HGS: variants seen among roughly 807,000 people sequenced by gnomAD.
HGS encodes the protein hepatocyte growth factor-regulated tyrosine kinase substrate.
HGS carries 63 observed loss-of-function variants against 109.7 expected under a neutral mutation model. The ratio of observed to expected loss-of-function variants is 0.57; its 90% confidence interval spans 0.47 to 0.71. The LOEUF is 0.71. HGS is among the 30% of genes least tolerant of loss of function. HGS has a pLI of 0.00. For synonymous variants in HGS, 546 were observed against 437.3 expected (o/e 1.25, Z -3.10); for missense variants, 995 against 1,068.3 (o/e 0.93, Z 0.96).
At position 81,701,668 on chromosome 17, in the gene HGS, ACGCCTCGTCT is replaced by A; in HGVS notation, c.*52_*61del. 1 of 1,511,628 alleles carries A rather than the reference ACGCCTCGTCT, an allele frequency of 6.6e-7. No individual in the cohort carries two copies. Among genetic ancestry groups the A allele is most frequent in the Non-Finnish European group, 8.9e-7 (1 of 1,127,052 alleles). The allele number at this position is 1,511,628 out of a possible 1,614,324, so 93.6% of individuals were successfully genotyped here. On this transcript the variant is annotated 3_prime_UTR_variant, in exon 22 of 22. Coordinates refer to ENST00000329138, the MANE Select transcript of HGS (RefSeq NM_004712.5). ...TAACACTACATACAGTTCACCTGAA[ACGCCTCGTCT>A]CTAACTGCCGTCGTCCTGCCTCCCT...
chr17:81,699,832 C>G (rs969430217), intron 18 of HGS, among the ~76,000 whole-genome samples: 1 of 144,700 alleles, frequency 6.9e-6, no homozygotes, highest in African/African-American at 2.5e-5. Flanking sequence ...CCCAGCACTT[C>G]GGGAGGCCGA....
chr17:81,686,871 C>T (rs1019559792), intron 3 of HGS, 132 bp from the exon 4 acceptor site: 13 of 689,278 alleles, frequency 1.9e-5, no homozygotes, highest in South Asian at 7.1e-5. Context: ...GCTGTCCCAC[C>T]GGGTTCCCCA....
At position 81,700,462 on chromosome 17, in the gene HGS, C is replaced by T; in HGVS notation, c.1883-5C>T. 6.4e-7 allele frequency: 1 copy of T among 1,553,740 alleles called. No homozygotes were observed. The highest frequency in any genetic ancestry group is 8.7e-7 in the Non-Finnish European group (1 of 1,147,420). ...GAACCATCTCCCCTGTCTTGTTTGT[C>T]ACAGATCCCAGCATGGTGAGTGCCT... On this transcript the variant is annotated splice_region_variant and splice_polypyrimidine_tract_variant and intron_variant, in intron 18 of 21. Transcript: ENST00000329138.
chr17:81,690,126 C>T (rs1051059667), intron 5 of HGS, 56 bp from the exon 6 acceptor site: 10 of 1,577,342 alleles, frequency 6.3e-6, no homozygotes, highest in South Asian at 1.1e-5. Context: ...AAGGGGCTCC[C>T]GGAAGTCTTG....
chr17:81,693,845 G>A, intron 10 of HGS, 25 bp from the exon 11 acceptor site: 1 of 1,586,498 alleles, frequency 6.3e-7, no homozygotes, highest in Non-Finnish European at 8.6e-7. Context: ...GCACCCAAGT[G>A]ACGCCCCTTC....
rs2037225642 is a variant in HGS at position 81,700,807 on chromosome 17, A to T, written c.2129A>T (p.Asn710Ile). The T allele has an allele frequency of 6.2e-7, 1 of 1,611,262 alleles. No homozygotes were observed. Among genetic ancestry groups the T allele is most frequent in the African/African-American group, 1.3e-5 (1 of 74,894 alleles). ...QSVSMGYQPY[N>I]MQNLMTTLPS... ...GTCTCCATGGGCTACCAGCCTTACA[A>T]CATGCAGGTACAGTGACCTCCAGGC... Residue 710 changes from asparagine to isoleucine, a missense_variant, in exon 20 of 22, where the codon AAC becomes ATC. Coordinates refer to ENST00000329138, the MANE Select transcript of HGS (RefSeq NM_004712.5).
chr17:81,687,250 G>A (rs1429697364), intron 4 of HGS, among the ~76,000 whole-genome samples, 155 bp downstream of exon 4: 3 of 152,230 alleles, frequency 2.0e-5, no homozygotes, highest in Admixed American at 6.5e-5. Context: ...TCGCACTCAT[G>A]AGTCGGAGAG....
chr17:81,690,148 G>A (rs1366197486), intron 5 of HGS, 34 bp from the exon 6 acceptor site: 2 of 1,604,734 alleles, frequency 1.2e-6, no homozygotes, highest in South Asian at 1.1e-5. Flanking sequence ...AGGCCAGGTG[G>A]GAGCAGGCAG....
intron 5 of HGS, among the ~76,000 whole-genome samples, chr17:81,689,153 G>T (rs1300848135): frequency 6.6e-6 from 1 of 152,232 alleles, no homozygotes; most frequent in African/African-American, 2.4e-5. Flanking sequence ...GCCTCTGAAG[G>T]AGCTGTCCCA....
rs758731513 is a variant in HGS, at chr17:81,696,974, C to T, written c.1858C>T (p.Pro620Ser). The T allele has an allele frequency of 3.1e-6, 5 of 1,596,728 alleles. No homozygotes were observed. Among genetic ancestry groups the T allele is most frequent in the East Asian group, 2.2e-5 (1 of 44,708 alleles). ...SQPAPAAGPY[P>S]SMPSTAADPS... ...GCCGGCCCCTGCCGCTGGCCCCTAC[C>T]CCAGCATGCCCAGCACTGCGGCTGG... The change falls in exon 18 of 22, where the codon CCC becomes TCC. Residue 620 changes from proline to serine, a missense_variant. Coordinates refer to ENST00000329138, the MANE Select transcript of HGS (RefSeq NM_004712.5).
chr17:81,686,225 C>G (rs1343950407), intron 2 of HGS, 87 bp from the exon 3 acceptor site: 1 of 1,112,870 alleles, frequency 9.0e-7, no homozygotes, highest in South Asian at 1.3e-5. Context: ...GCCACTGCAC[C>G]TGGCAGCAGA....
intron 6 of HGS, 119 bp downstream of exon 6, chr17:81,690,353 T>C (rs1465602429): frequency 9.6e-7 from 1 of 1,037,918 alleles, no homozygotes; most frequent in Non-Finnish European, 1.5e-6. Context: ...GTCTGGGACC[T>C]GAGGATGCCT....
intron 7 of HGS, 198 bp downstream of exon 7, chr17:81,690,940 C>T: frequency 1.8e-6 from 1 of 546,308 alleles, no homozygotes; most frequent in Non-Finnish European, 3.2e-6. Flanking sequence ...ACTGCCTGGG[C>T]CGGGCCCAGC....
At chr17:81,684,245 C>A in intron 1 of HGS, 142 bp downstream of exon 1, 1 of 745,788 alleles carries the variant, frequency 1.3e-6, no homozygotes, top group South Asian at 3.7e-5. Context: ...CTCCCGGGTT[C>A]GGAGCCGCCG....
At chr17:81,700,377 A>AC in intron 18 of HGS, 90 bp from the exon 19 acceptor site, 1 of 1,391,382 alleles carries the variant, frequency 7.2e-7, no homozygotes, top group East Asian at 2.5e-5. Flanking sequence ...CAAAAAAAAA[A>AC]AAAAAAAAGT....
chr17:81,700,184 A>G (rs1036971690), intron 18 of HGS, among the ~76,000 whole-genome samples: 152 of 151,194 alleles, frequency 1.0e-3, no homozygotes, highest in African/African-American at 3.1e-3. Context: ...GGCCAACATG[A>G]TGAAACCCCA....
intron 6 of HGS, 183 bp downstream of exon 6, chr17:81,690,417 T>G (rs1270141195): frequency 4.4e-6 from 3 of 688,066 alleles, no homozygotes; most frequent in African/African-American, 1.8e-5. Flanking sequence ...GGTGGAGACG[T>G]GGCTTGAGGG....
chr17:81,691,182 T>C lies in HGS; in HGVS notation c.538-265T>C, dbSNP rs997059859. On this transcript the variant is annotated intron_variant, in intron 7 of 21. Coordinates refer to ENST00000329138, the MANE Select transcript of HGS (RefSeq NM_004712.5). This position sits in a 1 kb window ranked among gnomAD's most constrained non-coding sequence, Gnocchi z 5.3. ...ACTGCACTCACAAAAGCTCTTGTTTTATCAGCAGAATTGATGTGTATTTTT... is the reference window on the plus strand; with the variant it reads ...ACTGCACTCACAAAAGCTCTTGTTTCATCAGCAGAATTGATGTGTATTTTT... The C allele has an allele frequency of 6.0e-6, 3 of 497,164 alleles. No individual in the cohort carries two copies. The highest frequency in any genetic ancestry group is 7.3e-6 in the Non-Finnish European group (2 of 273,230). 30.8% of individuals were successfully genotyped at this position (497,164 alleles called of 1,614,324 possible).
chr17:81,698,707 G>A (rs1420719235), intron 18 of HGS, among the ~76,000 whole-genome samples: 2 of 152,182 alleles, frequency 1.3e-5, no homozygotes. Context: ...GTGTGTATGT[G>A]AATACAAGTG....
Sources: gnomAD v4.1 joint callset for allele counts (sites outside exome capture counted in the v4.1 genomes callset) on GRCh38, gnomAD v4.1.1 for gene constraint, Gnocchi (gnomAD v3.1) non-coding constraint, MANE v1.5 for transcripts, NCBI Gene and HGNC (gene_info 2026-07-23, HGNC 2026-07-21) for gene names.